The following DNAI7 variants were observed in gnomAD, a reference collection of about 807,000 sequenced individuals.
DNAI7 encodes the protein dynein axonemal intermediate chain 7, also known as cancer susceptibility 1.
In DNAI7, 78 loss-of-function variants were observed where a neutral mutation model predicts 86.6. That is an observed-to-expected ratio of 0.90 (90% CI 0.75 to 1.09). The LOEUF is 1.09. Ranked by LOEUF, DNAI7 falls within the 50% of genes least tolerant of loss-of-function variation. The pLI is 0.00. For synonymous variants in DNAI7, 274 were observed against 273.0 expected (o/e 1.00, Z -0.04); for missense variants, 753 against 810.2 (o/e 0.93, Z 0.86).
intron 9 of DNAI7, 22 bp downstream of exon 9, chr12:25,144,343 T>G (rs1944561300): frequency 1.3e-6 from 2 of 1,571,514 alleles, no homozygotes; most frequent in Non-Finnish European, 1.7e-6. Flanking sequence ...TAAAAAAATG[T>G]GTATATTTAA....
intron 9 of DNAI7, among the ~76,000 whole-genome samples, chr12:25,140,201 C>A (rs1944015027): frequency 6.6e-6 from 1 of 151,918 alleles, no homozygotes; most frequent in South Asian, 2.1e-4. Flanking sequence ...CCAGAGCAAT[C>A]AGACAAGATA....
Position 25,174,731 on chromosome 12 carries a change from T to TGGAATATATATATCATAC in DNAI7, c.22-13535_22-13534insGTATGATATATATATTCC, listed in dbSNP as rs1948766017. On this transcript the variant is annotated intron_variant, in intron 2 of 15. Transcript: ENST00000395987. ...ACATATGGAATATATATATCATATATATATGGAATATATATATCATATATA... is the reference window on the plus strand; with the variant it reads ...ACATATGGAATATATATATCATATATGGAATATATATATCATACATATGGAATATATATATCATATATA... Among the ~76,000 whole-genome samples the TGGAATATATATATCATAC allele has an allele frequency of 3.6e-5, 3 of 83,480 alleles. 1 individual carries two copies. The highest frequency in any genetic ancestry group is 4.9e-5 in the Non-Finnish European group (2 of 40,932). 54.8% of individuals were successfully genotyped at this position (83,480 alleles called of 152,430 possible).
At chr12:25,108,199 C>CT, downstream of DNAI7, 1 of 949,798 alleles carries the variant, frequency 1.1e-6, no homozygotes, top group Non-Finnish European at 1.5e-6. Flanking sequence ...TACATTTCCT[C>CT]TTTTTGCCTT....
chr12:25,195,132 G>C lies in DNAI7; in HGVS notation c.-54C>G. 6.3e-7 allele frequency: 1 copy of C among 1,588,470 alleles called. No homozygotes were observed. Among genetic ancestry groups the C allele is most frequent in the Non-Finnish European group, 8.6e-7 (1 of 1,157,118 alleles). On this transcript the variant is annotated 5_prime_UTR_variant, in exon 1 of 16. Transcript: ENST00000395987. Reference sequence around the variant, plus strand: ...GCAGAGTCGGAGCAGAAATTGTGTGGACAAACGCTCCCGGGTTGCCCGGAC... The same window carrying C: ...GCAGAGTCGGAGCAGAAATTGTGTGCACAAACGCTCCCGGGTTGCCCGGAC...
At chr12:25,141,030 T>G (rs1455859025) in intron 9 of DNAI7, among the ~76,000 whole-genome samples, 1 of 151,986 alleles carries the variant, frequency 6.6e-6, no homozygotes, top group African/African-American at 2.4e-5. Flanking sequence ...TGAAACTGAA[T>G]CCTCATCTCT....
chr12:25,121,509 A>C (rs1303806606), intron 11 of DNAI7, among the ~76,000 whole-genome samples: 1 of 152,240 alleles, frequency 6.6e-6, no homozygotes, highest in Non-Finnish European at 1.5e-5. Flanking sequence ...CTAACAAAAC[A>C]TAATGATGTA....
At position 25,154,393 on chromosome 12, in the gene DNAI7, A is replaced by G. The variant is rs1945911574; in HGVS notation, c.364T>C (p.Phe122Leu). The G allele has an allele frequency of 6.2e-7, 1 of 1,611,898 alleles. No homozygotes were observed. Among genetic ancestry groups the G allele is most frequent in the Non-Finnish European group, 8.5e-7 (1 of 1,179,340 alleles). ...GTTTTCTCTTTCCACAAACTAATAAACGTGTTCATTTCTTGGGCTACTGAA... is the reference window on the plus strand; with the variant it reads ...GTTTTCTCTTTCCACAAACTAATAAGCGTGTTCATTTCTTGGGCTACTGAA... ...DPSVAQEMNTFISLWKEKTNE... is the reference protein window; with the variant it reads ...DPSVAQEMNTLISLWKEKTNE... Residue 122 changes from phenylalanine to leucine, a missense_variant, in exon 6 of 16, where the codon TTT becomes CTT. Physicochemically the swap from Phe to Leu is conservative, Grantham distance 22. Transcript: ENST00000395987.
intron 4 of DNAI7, among the ~76,000 whole-genome samples, chr12:25,156,243 T>C (rs955692986): frequency 5.3e-5 from 8 of 152,186 alleles, no homozygotes; most frequent in African/African-American, 1.9e-4. Context: ...CTGCTGCATA[T>C]CGAATGACAA....
intron 9 of DNAI7, among the ~76,000 whole-genome samples, chr12:25,133,428 C>T (rs1363409266): frequency 6.6e-6 from 1 of 152,114 alleles, no homozygotes. Context: ...TCTACTCACA[C>T]CTACGAAAGG....
chr12:25,108,035 G>T, downstream of DNAI7: 2 of 1,613,928 alleles, frequency 1.2e-6, no homozygotes, highest in South Asian at 1.1e-5. Context: ...ACCAGACTCC[G>T]ACACAATGGG....
chr12:25,133,010 A>C (rs545740179), intron 9 of DNAI7, among the ~76,000 whole-genome samples: 1 of 152,258 alleles, frequency 6.6e-6, no homozygotes, highest in African/African-American at 2.4e-5. Context: ...TTTTTCGTTC[A>C]TGCTTTTGGT....
At chr12:25,108,152 TGAAACCAGAGGTTCTCA>T (rs1949348911), downstream of DNAI7, 1 of 1,414,310 alleles carries the variant, frequency 7.1e-7, no homozygotes, top group East Asian at 2.3e-5. Context: ...AAGTATAGCA[TGAAACCAGAGGTTCTCA>T]GAATGACTGT....
chr12:25,112,925 C>G (rs1417615367), intron 13 of DNAI7, among the ~76,000 whole-genome samples: 2 of 152,152 alleles, frequency 1.3e-5, no homozygotes, highest in Admixed American at 1.3e-4. Flanking sequence ...CCACATTAGA[C>G]AGCACAGATC....
intron 2 of DNAI7, among the ~76,000 whole-genome samples, chr12:25,174,321 G>GCCACTGCGCCCGGCTCTACA (rs1948514909): frequency 1.5e-5 from 1 of 67,318 alleles, no homozygotes; most frequent in Non-Finnish European, 3.1e-5. Context: ...TATTGCATTT[G>GCCACTGCGCCCGGCTCTACA]CATTTGTATC....
Position 25,144,344 on chromosome 12 carries a change from GTA to G in DNAI7, c.1002+19_1002+20del, listed in dbSNP as rs1565712576. On this transcript the variant is annotated intron_variant, in intron 9 of 15. Transcript: ENST00000395987. ...GCATGCTGCATGAATAAAAAAATGT[GTA>G]TATTTAAATGTGTCCTACCATTTTC... is the stretch of plus-strand genomic sequence containing the variant. 4 of 1,572,586 alleles carry G rather than the reference GTA, an allele frequency of 2.5e-6. No individual in the cohort carries two copies. In the East Asian group the frequency reaches 9.0e-5, roughly 35 times the overall value.
downstream of DNAI7, chr12:25,107,080 T>C (rs763051068): frequency 1.5e-6 from 2 of 1,291,728 alleles, no homozygotes; most frequent in Middle Eastern, 1.9e-4. Context: ...AATTCTACCA[T>C]TTTAGTGGAA....
At chr12:25,147,570 T>C (rs1281593557) in intron 7 of DNAI7, among the ~76,000 whole-genome samples, 4 of 152,054 alleles carry the variant, frequency 2.6e-5, no homozygotes, top group African/African-American at 9.7e-5. Flanking sequence ...GGTGGAAGTA[T>C]TGCTTGAGTC....
At chr12:25,167,577 C>T (rs1022502191) in intron 2 of DNAI7, among the ~76,000 whole-genome samples, 7 of 152,124 alleles carry the variant, frequency 4.6e-5, no homozygotes, top group South Asian at 2.1e-4. Context: ...AGCGAACAAC[C>T]GCTGGCTTTG....
chr12:25,182,913 AAAG>A (rs768570361), intron 2 of DNAI7, among the ~76,000 whole-genome samples: 1 of 151,708 alleles, frequency 6.6e-6, no homozygotes, highest in East Asian at 1.9e-4. Context: ...AATGAAGTGA[AAAG>A]AAGAAAGGAA....
Sources: allele counts gnomAD v4.1 joint callset (sites outside exome capture counted in the v4.1 genomes callset), GRCh38; gene constraint gnomAD v4.1.1; transcripts MANE v1.5; gene names NCBI Gene and HGNC (gene_info 2026-07-23, HGNC 2026-07-21).